The following SGMS1 variants were observed in gnomAD, a reference collection of about 807,000 sequenced individuals.
SGMS1 encodes phosphatidylcholine:ceramide cholinephosphotransferase 1.
SGMS1 carries 13 observed loss-of-function variants against 46.2 expected under a neutral mutation model. The ratio of observed to expected loss-of-function variants is 0.28; its 90% CI spans 0.18 to 0.45. SGMS1 has a LOEUF of 0.45. Among genes scored for constraint, SGMS1 ranks in the 20% least tolerant of loss-of-function variants. SGMS1 has a pLI of 1.00. For missense variants in SGMS1, 324 were observed against 519.9 expected (o/e 0.62, Z 3.66); for synonymous variants, 203 against 187.8 (o/e 1.08, Z -0.66).
chr10:50,409,187 T>C (rs1160650527), intron 6 of SGMS1, among the ~76,000 whole-genome samples: 3 of 152,182 alleles, frequency 2.0e-5, no homozygotes, highest in East Asian at 1.9e-4. Context: ...ACTGTGATGA[T>C]CAACTCAAAG....
chr10:50,525,616 A>T (rs1042821303), intron 2 of SGMS1, among the ~76,000 whole-genome samples: 6 of 152,236 alleles, frequency 3.9e-5, no homozygotes, highest in African/African-American at 1.4e-4. Context: ...AAAACAGAAA[A>T]GAATCAAAAG....
chr10:50,317,038 T>G (rs889850377), intron 8 of SGMS1, among the ~76,000 whole-genome samples: 1 of 152,188 alleles, frequency 6.6e-6, no homozygotes, highest in African/African-American at 2.4e-5. Context: ...AACAGAAAAT[T>G]CATTTCATCC....
chr10:50,591,283 C>T (rs1347442871), intron 1 of SGMS1, among the ~76,000 whole-genome samples: 1 of 152,098 alleles, frequency 6.6e-6, no homozygotes, highest in African/African-American at 2.4e-5. Flanking sequence ...AGATTAAACT[C>T]CTATTTGTCT....
intron 5 of SGMS1, among the ~76,000 whole-genome samples, chr10:50,444,721 T>C (rs2133644811): frequency 1.3e-5 from 1 of 75,302 alleles, no homozygotes; most frequent in Non-Finnish European, 2.4e-5. Context: ...GAAGACCCCA[T>C]TTATTAAAAA....
intron 2 of SGMS1, among the ~76,000 whole-genome samples, chr10:50,524,414 GA>G (rs1195552989): frequency 6.6e-6 from 1 of 152,142 alleles, no homozygotes; most frequent in African/African-American, 2.4e-5. Context: ...CATCACTAGT[GA>G]AAAACTTGTA....
At chr10:50,504,357 A>G (rs1837687185) in intron 3 of SGMS1, among the ~76,000 whole-genome samples, 1 of 152,196 alleles carries the variant, frequency 6.6e-6, no homozygotes, top group Non-Finnish European at 1.5e-5. Flanking sequence ...GACTAATTAT[A>G]CTTTGTAACA....
At chr10:50,454,050 C>CAAAAAAAAAAA (rs71846628) in intron 5 of SGMS1, among the ~76,000 whole-genome samples, 87 of 97,872 alleles carry the variant, frequency 8.9e-4, no homozygotes, top group Middle Eastern at 7.8e-3. Flanking sequence ...TTTACATAGG[C>CAAAAAAAAAAA]AAAAAAAAAA....
At chr10:50,585,098 T>G (rs1838471472) in intron 2 of SGMS1, among the ~76,000 whole-genome samples, 2 of 152,254 alleles carry the variant, frequency 1.3e-5, no homozygotes, top group Non-Finnish European at 2.9e-5. Context: ...TATTTTCTAT[T>G]AAGAAGAAAC....
intron 2 of SGMS1, among the ~76,000 whole-genome samples, chr10:50,572,529 G>C (rs1295245639): frequency 6.6e-6 from 1 of 152,140 alleles, no homozygotes; most frequent in Non-Finnish European, 1.5e-5. Flanking sequence ...AGAAGGGAGA[G>C]AGAGAGGAGA....
chr10:50,529,600 G>T (rs1010536006), intron 2 of SGMS1, among the ~76,000 whole-genome samples: 2 of 152,064 alleles, frequency 1.3e-5, no homozygotes, highest in Admixed American at 1.3e-4. Flanking sequence ...TACACTTTGG[G>T]GGTGAAAAAT....
At chr10:50,589,697 C>A (rs1411827411) in intron 2 of SGMS1, among the ~76,000 whole-genome samples, 1 of 152,032 alleles carries the variant, frequency 6.6e-6, no homozygotes, top group Admixed American at 6.5e-5. Context: ...ATTTTGAAAT[C>A]CTGGGCTCAA....
chr10:50,474,033 C>G (rs778435857), intron 3 of SGMS1: 3 of 152,228 alleles, frequency 2.0e-5, no homozygotes, highest in Non-Finnish European at 1.5e-5. Flanking sequence ...CACTTAAGCT[C>G]AGGACAATCA....
chr10:50,453,289 A>G (rs902364737), intron 5 of SGMS1, among the ~76,000 whole-genome samples: 3 of 152,140 alleles, frequency 2.0e-5, no homozygotes. Context: ...AAAGTGGCAA[A>G]AATGGTATTT....
At chr10:50,434,809 G>A (rs545434156) in intron 5 of SGMS1, among the ~76,000 whole-genome samples, 3 of 151,096 alleles carry the variant, frequency 2.0e-5, no homozygotes, top group South Asian at 2.1e-4. Context: ...ACGTGAACCC[G>A]GGAGGCGGAG....
At chr10:50,468,141 T>C (rs1837347319) in intron 3 of SGMS1, among the ~76,000 whole-genome samples, 1 of 152,220 alleles carries the variant, frequency 6.6e-6, no homozygotes, top group African/African-American at 2.4e-5. Context: ...TCGCTTAATC[T>C]TCCAATTCCT....
chr10:50,319,466 A>G (rs1251257527), intron 8 of SGMS1, among the ~76,000 whole-genome samples: 1 of 152,230 alleles, frequency 6.6e-6, no homozygotes, highest in Non-Finnish European at 1.5e-5. Flanking sequence ...AAACTACTCG[A>G]TAGTGTCAAC....
At chr10:50,402,555 C>G (rs1391562327) in intron 6 of SGMS1, among the ~76,000 whole-genome samples, 1 of 152,100 alleles carries the variant, frequency 6.6e-6, no homozygotes, top group African/African-American at 2.4e-5. Context: ...AAAAGACTTT[C>G]CATATGTATG....
intron 2 of SGMS1, among the ~76,000 whole-genome samples, chr10:50,561,640 T>C (rs1333616978): frequency 6.6e-6 from 1 of 152,222 alleles, no homozygotes; most frequent in African/African-American, 2.4e-5. Flanking sequence ...CTCACTTTAA[T>C]GAAAGGTCAA....
chr10:50,602,697 T>C (rs975835011), intron 1 of SGMS1, among the ~76,000 whole-genome samples: 3 of 152,158 alleles, frequency 2.0e-5, no homozygotes, highest in African/African-American at 7.2e-5. Flanking sequence ...CATCAAAAAG[T>C]TAACATTTGA....
Sources: gnomAD v4.1 joint callset for allele counts (sites outside exome capture counted in the v4.1 genomes callset) on GRCh38, gnomAD v4.1.1 for gene constraint, MANE v1.5 for transcripts, NCBI Gene and HGNC (gene_info 2026-07-23, HGNC 2026-07-21) for gene names.